The following DLG2 variants were observed in gnomAD, a reference collection of about 807,000 sequenced individuals.
DLG2 encodes the protein disks large homolog 2.
In DLG2, 45 loss-of-function variants were observed where a neutral mutation model predicts 132.5. The ratio of observed to expected loss-of-function variants is 0.34; its 90% confidence interval spans 0.27 to 0.44. The LOEUF (loss-of-function observed/expected upper bound fraction) is 0.44. DLG2 is among the 20% of genes least tolerant of loss of function. The pLI is 1.00. For synonymous variants in DLG2, 424 were observed against 419.6 expected (o/e 1.01, Z -0.13); for missense variants, 1,045 against 1,196.9 (o/e 0.87, Z 1.87).
intron 3 of DLG2, among the ~76,000 whole-genome samples, chr11:85,588,471 G>A (rs2079105324): frequency 1.3e-5 from 2 of 151,960 alleles, no homozygotes; most frequent in African/African-American, 4.8e-5. Context: ...CATCATTGTT[G>A]AAACTTTCTG....
intron 11 of DLG2, among the ~76,000 whole-genome samples, chr11:84,030,676 C>G (rs182433098): frequency 5.3e-5 from 8 of 151,980 alleles, no homozygotes; most frequent in Non-Finnish European, 4.4e-5. Flanking sequence ...TCCCAGATTG[C>G]GAGGATCATA....
intron 6 of DLG2, among the ~76,000 whole-genome samples, chr11:85,032,943 A>G (rs1215707585): frequency 4.6e-5 from 7 of 152,214 alleles, no homozygotes; most frequent in Non-Finnish European, 8.8e-5. Flanking sequence ...CTGTTACCAC[A>G]TGTCCTACCA....
intron 3 of DLG2, among the ~76,000 whole-genome samples, chr11:85,316,328 C>A (rs1439652494): frequency 6.6e-6 from 1 of 151,942 alleles, no homozygotes; most frequent in Non-Finnish European, 1.5e-5. Flanking sequence ...TTTCTATAAT[C>A]TAAACACCGA....
At chr11:84,631,000 TCTCTCTCTCTCTCTCTCTCACACA>T (rs1187616797) in intron 6 of DLG2, among the ~76,000 whole-genome samples, 1 of 126,808 alleles carries the variant, frequency 7.9e-6, no homozygotes, top group Non-Finnish European at 1.6e-5. Context: ...TCTCTCTCTC[TCTCTCTCTCTCTCTCTCTCACACA>T]CACACACACA....
intron 11 of DLG2, among the ~76,000 whole-genome samples, chr11:84,029,834 C>T (rs547040028): frequency 3.9e-4 from 60 of 152,184 alleles, no homozygotes; most frequent in Non-Finnish European, 6.3e-4. Flanking sequence ...TCCTATATTT[C>T]ATAAGGAAAC....
At chr11:84,967,372 C>T (rs1591971440) in intron 6 of DLG2, among the ~76,000 whole-genome samples, 1 of 152,162 alleles carries the variant, frequency 6.6e-6, no homozygotes, top group Middle Eastern at 3.4e-3. Flanking sequence ...AAAAGGCTGC[C>T]AAGGTAGCCC....
chr11:83,594,059 C>G (rs952376140), intron 19 of DLG2, among the ~76,000 whole-genome samples: 2 of 152,194 alleles, frequency 1.3e-5, no homozygotes, highest in Non-Finnish European at 1.5e-5. Context: ...TTAGCCTTGA[C>G]AGAAATACTG....
chr11:84,517,278 A>G (rs2099276664), intron 7 of DLG2, among the ~76,000 whole-genome samples: 1 of 151,738 alleles, frequency 6.6e-6, no homozygotes, highest in African/African-American at 2.4e-5. Context: ...TTCAAAATAT[A>G]TAAGAAACTC....
chr11:83,561,213 T>TG (rs1292456815), intron 19 of DLG2, among the ~76,000 whole-genome samples: 1 of 152,082 alleles, frequency 6.6e-6, no homozygotes, highest in South Asian at 2.1e-4. Flanking sequence ...CCTCCAACAT[T>TG]GGGGGTTCCA....
intron 6 of DLG2, among the ~76,000 whole-genome samples, chr11:84,945,754 C>A (rs556671196): frequency 6.6e-6 from 1 of 152,234 alleles, no homozygotes; most frequent in South Asian, 2.1e-4. Context: ...TTCTTGGCCA[C>A]CCTTGCTGGT....
rs149808491 is a variant in DLG2 at position 84,394,786 on chromosome 11, T to C, written c.519+139784A>G. Among the ~76,000 whole-genome samples, 382 of 152,232 alleles carry C rather than the reference T, an allele frequency of 2.5e-3. 1 individual carries two copies. The Middle Eastern group carries it at 0.034, about 14-fold the overall frequency. On this transcript the variant is annotated intron_variant, in intron 7 of 27. Transcript: ENST00000376104. ...ACAGGTGTGCACCAGCACGCCCAGC[T>C]AATTTTTGTATTTTCAGTAGAGATG...
chr11:84,175,451 C>A (rs554778129), intron 8 of DLG2, among the ~76,000 whole-genome samples: 1 of 152,180 alleles, frequency 6.6e-6, no homozygotes, highest in Non-Finnish European at 1.5e-5. Flanking sequence ...TCTTTAAAAT[C>A]CCTTTTATTC....
chr11:84,934,036 C>T (rs935922093), intron 6 of DLG2, among the ~76,000 whole-genome samples: 1 of 152,116 alleles, frequency 6.6e-6, no homozygotes, highest in African/African-American at 2.4e-5. Context: ...AGGTATGTTC[C>T]TTCAACATCT....
At chr11:84,612,907 C>T (rs1450718817) in intron 6 of DLG2, among the ~76,000 whole-genome samples, 2 of 152,084 alleles carry the variant, frequency 1.3e-5, no homozygotes, top group Non-Finnish European at 1.5e-5. Flanking sequence ...CCAGGTCCAC[C>T]TCACAAAAAA....
chr11:85,181,107 C>T (rs964137835), intron 4 of DLG2, among the ~76,000 whole-genome samples: 2 of 151,606 alleles, frequency 1.3e-5, no homozygotes, highest in African/African-American at 4.8e-5. Context: ...ATTCACCTAG[C>T]ACTTCCATTT....
In DLG2 at chr11:84,669,769, C is replaced by T. The variant is rs543388977; in HGVS notation, c.358-135038G>A. Among the ~76,000 whole-genome samples the T allele has an allele frequency of 1.3e-4, 20 of 152,274 alleles. 2 individuals are homozygous for T. The highest frequency in any genetic ancestry group is 9.8e-4 in the Admixed American group (15 of 15,288). On this transcript the variant is annotated intron_variant, in intron 6 of 27. Coordinates refer to ENST00000376104, the MANE Select transcript of DLG2 (RefSeq NM_001142699.3). ...AAATGGACTGTCAGAAGAAGTGATA[C>T]ACTTCATTTTTAGGCTTGGACTCCT... is the stretch of plus-strand genomic sequence containing the variant.
intron 18 of DLG2, among the ~76,000 whole-genome samples, chr11:83,634,295 C>T (rs1228524434): frequency 2.0e-5 from 3 of 152,146 alleles, no homozygotes; most frequent in African/African-American, 7.2e-5. Flanking sequence ...ATATTTTTGG[C>T]ATGTCAACCC....
At chr11:85,395,727 TTGAGTA>T (rs1205128556) in intron 3 of DLG2, among the ~76,000 whole-genome samples, 1 of 97,568 alleles carries the variant, frequency 1.0e-5, no homozygotes, top group Non-Finnish European at 2.6e-5. Context: ...TTGCTGAGGC[TTGAGTA>T]GCTCACAGTG....
intron 18 of DLG2, among the ~76,000 whole-genome samples, chr11:83,691,500 C>T (rs1000350213): frequency 9.9e-5 from 15 of 152,128 alleles, no homozygotes; most frequent in African/African-American, 3.4e-4. Context: ...CTGTCTCTGG[C>T]TGAGCTGAAA....
Sources: allele counts gnomAD v4.1 joint callset (sites outside exome capture counted in the v4.1 genomes callset), GRCh38; gene constraint gnomAD v4.1.1; transcripts MANE v1.5; gene names NCBI Gene and HGNC (gene_info 2026-07-23, HGNC 2026-07-21).